CRTAC1: variants seen among roughly 807,000 people sequenced by gnomAD.
CRTAC1 encodes cartilage acidic protein 1, also known as acidic secreted protein in cartilage.
In CRTAC1, 37 loss-of-function variants were observed where a neutral mutation model predicts 67.8. The observed-to-expected ratio is 0.55, with a 90% CI of 0.42 to 0.72. The LOEUF (loss-of-function observed/expected upper bound fraction) is 0.72. Ranked by LOEUF, CRTAC1 falls within the 30% of genes least tolerant of loss-of-function variation. CRTAC1 has a pLI of 0.00. For synonymous variants in CRTAC1, 348 were observed against 371.0 expected (o/e 0.94, Z 0.71); for missense variants, 780 against 931.6 (o/e 0.84, Z 2.12).
intron 11 of CRTAC1, among the ~76,000 whole-genome samples, chr10:97,891,003 C>T (rs2050363814): frequency 6.6e-6 from 1 of 152,168 alleles, no homozygotes; most frequent in African/African-American, 2.4e-5. Context: ...TATCTTCTAA[C>T]ATTTTATATA....
intron 2 of CRTAC1, among the ~76,000 whole-genome samples, chr10:97,944,507 A>C (rs1410769191): frequency 6.6e-6 from 1 of 152,232 alleles, no homozygotes; most frequent in East Asian, 1.9e-4. Context: ...ATCTAAGGCT[A>C]AGAAATGAGC....
rs369067671 is a variant in CRTAC1, at chr10:97,910,103, C to T, written c.716-1956G>A. Among the ~76,000 whole-genome samples, 18 of 152,256 alleles carry T rather than the reference C, an allele frequency of 1.2e-4. No homozygotes were observed. In the East Asian group the frequency reaches 2.7e-3, roughly 23 times the overall value. ...CAAAGGATACAACACTTCAGTTTAACGGGAGGAATAAGTTCAAGAGATCCA... is the reference window on the plus strand; with the variant it reads ...CAAAGGATACAACACTTCAGTTTAATGGGAGGAATAAGTTCAAGAGATCCA... On this transcript the variant is annotated intron_variant, in intron 5 of 14. Coordinates refer to ENST00000370597, the MANE Select transcript of CRTAC1 (RefSeq NM_018058.7).
Position 97,879,570 on chromosome 10 carries a change from G to A in CRTAC1, c.1819+679C>T, listed in dbSNP as rs2050184481. ...GCCACCCCTGTTGTCCATTCAGAGG[G>A]AGCACACAGCAGAACCTACTGGGCG... On this transcript the variant is annotated intron_variant, in intron 14 of 14. Coordinates refer to ENST00000370597, the MANE Select transcript of CRTAC1 (RefSeq NM_018058.7). The A allele has an allele frequency of 3.7e-6, 5 of 1,335,148 alleles. No individual in the cohort carries two copies. In the Admixed American group the frequency reaches 8.7e-5, roughly 23 times the overall value. The allele number at this position is 1,335,148 out of a possible 1,614,324, so 82.7% of individuals were successfully genotyped here.
chr10:97,865,988 G>T, intron 14 of CRTAC1: 1 of 439,836 alleles, frequency 2.3e-6, no homozygotes, highest in Non-Finnish European at 4.0e-6. Flanking sequence ...AGGCTGGGGT[G>T]GGGAGAACAC....
At chr10:97,967,902 C>T (rs1046011186) in intron 2 of CRTAC1, among the ~76,000 whole-genome samples, 3 of 152,172 alleles carry the variant, frequency 2.0e-5, no homozygotes, top group East Asian at 1.9e-4. Flanking sequence ...AGGAAAGGTA[C>T]ATCCAAGGTA....
chr10:97,908,705 T>C (rs2050649123), intron 5 of CRTAC1, among the ~76,000 whole-genome samples: 1 of 152,218 alleles, frequency 6.6e-6, no homozygotes, highest in Non-Finnish European at 1.5e-5. Flanking sequence ...GGAGCATCCA[T>C]ATGACAAACC....
intron 1 of CRTAC1, among the ~76,000 whole-genome samples, chr10:98,022,349 CCTT>C (rs569650868): frequency 4.6e-5 from 7 of 151,044 alleles, no homozygotes; most frequent in Non-Finnish European, 1.0e-4. Context: ...GAGCAAAACT[CCTT>C]CTCAAAAAGA....
intron 2 of CRTAC1, among the ~76,000 whole-genome samples, chr10:97,965,047 G>A (rs1029730346): frequency 4.6e-5 from 7 of 152,090 alleles, no homozygotes; most frequent in African/African-American, 1.7e-4. Flanking sequence ...GGAAGGTGAC[G>A]CTGATGGGCT....
At chr10:97,967,100 T>C (rs2051630968) in intron 2 of CRTAC1, among the ~76,000 whole-genome samples, 3 of 151,882 alleles carry the variant, frequency 2.0e-5, no homozygotes, top group Admixed American at 2.0e-4. Flanking sequence ...TGTATCGACA[T>C]CAATTATTTG....
intron 2 of CRTAC1, among the ~76,000 whole-genome samples, chr10:97,966,356 C>G: frequency 6.6e-6 from 1 of 152,216 alleles, no homozygotes; most frequent in East Asian, 1.9e-4. Context: ...GTGGTCTGCC[C>G]CCCTCAGCCT....
At chr10:97,924,589 C>G (rs2050887180) in intron 3 of CRTAC1, among the ~76,000 whole-genome samples, 1 of 152,208 alleles carries the variant, frequency 6.6e-6, no homozygotes, top group Non-Finnish European at 1.5e-5. Context: ...TCGAGGCATG[C>G]TGCCCAGCAT....
chr10:98,012,010 T>C (rs940170482), intron 1 of CRTAC1, among the ~76,000 whole-genome samples: 1 of 152,120 alleles, frequency 6.6e-6, no homozygotes, highest in African/African-American at 2.4e-5. Context: ...ATATGTGACT[T>C]GGCAGGTTCC....
chr10:97,910,528 T>C (rs145965740), intron 5 of CRTAC1, among the ~76,000 whole-genome samples: 1 of 152,076 alleles, frequency 6.6e-6, no homozygotes, highest in East Asian at 1.9e-4. Flanking sequence ...ATAAGAAGAG[T>C]TATCAGAGCA....
At chr10:97,962,586 C>A (rs1323768345) in intron 2 of CRTAC1, among the ~76,000 whole-genome samples, 7 of 152,166 alleles carry the variant, frequency 4.6e-5, no homozygotes, top group Admixed American at 3.9e-4. Context: ...CAATTTTCCA[C>A]TGGGTTTCAC....
Position 97,894,741 on chromosome 10 carries a change from T to C in CRTAC1, c.1486+504A>G, listed in dbSNP as rs187469802. ...ATATATATATATATATATATATATA[T>C]ATATATATATATATATATATATATG... On this transcript the variant is annotated intron_variant, in intron 11 of 14. Transcript: ENST00000370597. 1.4e-3 allele frequency among the ~76,000 whole-genome samples: 56 copies of C among 40,702 alleles called. 3 individuals carry two copies. The highest frequency in any genetic ancestry group is 4.3e-3 in the African/African-American group (49 of 11,442). 26.7% of individuals were successfully genotyped at this position (40,702 alleles called of 152,430 possible).
At chr10:98,001,641 C>T (rs146235005) in intron 2 of CRTAC1, among the ~76,000 whole-genome samples, 2 of 152,230 alleles carry the variant, frequency 1.3e-5, no homozygotes, top group African/African-American at 4.8e-5. Context: ...AAATACCAGA[C>T]CCATGCTTTT....
At chr10:98,024,214 T>C (rs1843177785) in intron 1 of CRTAC1, among the ~76,000 whole-genome samples, 1 of 152,230 alleles carries the variant, frequency 6.6e-6, no homozygotes, top group African/African-American at 2.4e-5. Flanking sequence ...CATGACCTTG[T>C]CACTGTACTT....
chr10:97,882,481 T>C (rs1398066042), intron 13 of CRTAC1, among the ~76,000 whole-genome samples: 1 of 152,182 alleles, frequency 6.6e-6, no homozygotes, highest in African/African-American at 2.4e-5. Context: ...CATGTGGCTA[T>C]TCCCCCTGTG....
chr10:97,955,510 T>C (rs2051426287), intron 2 of CRTAC1, among the ~76,000 whole-genome samples: 1 of 152,242 alleles, frequency 6.6e-6, no homozygotes, highest in African/African-American at 2.4e-5. Flanking sequence ...CCCAAACCTC[T>C]TCTCTATCCT....
Sources: gnomAD v4.1 joint callset for allele counts (sites outside exome capture counted in the v4.1 genomes callset) on GRCh38, gnomAD v4.1.1 for gene constraint, MANE v1.5 for transcripts, NCBI Gene and HGNC (gene_info 2026-07-23, HGNC 2026-07-21) for gene names.